The following ZNF804A variants were observed in gnomAD, a reference collection of about 807,000 sequenced individuals.
ZNF804A encodes zinc finger protein 804A.
ZNF804A carries 2 observed loss-of-function variants against 16.5 expected under a neutral mutation model. That is an observed-to-expected ratio of 0.12 (90% CI 0.05 to 0.38). ZNF804A has a LOEUF of 0.38. Ranked by LOEUF, ZNF804A falls within the 10% of genes least tolerant of loss-of-function variation. The pLI, the probability that ZNF804A is intolerant of heterozygous loss-of-function variation, is 0.99. For missense variants in ZNF804A, 1,473 were observed against 1,390.7 expected (o/e 1.06, Z -0.94); for synonymous variants, 534 against 489.6 (o/e 1.09, Z -1.20).
chr2:184,767,783 CT>C (rs1694152604), intron 1 of ZNF804A, among the ~76,000 whole-genome samples: 1 of 151,802 alleles, frequency 6.6e-6, no homozygotes, highest in Non-Finnish European at 1.5e-5. Context: ...AGGAGTCTAC[CT>C]TCTTAAAAAG....
Position 184,916,264 on chromosome 2 carries a change from A to T in ZNF804A, c.256-17339A>T, listed in dbSNP as rs999117415. 4.6e-5 allele frequency among the ~76,000 whole-genome samples: 7 copies of T among 152,304 alleles called. No homozygotes were observed. In the East Asian group the frequency reaches 1.3e-3, roughly 29 times the overall value. ...AAGAAGAATGAAATTATAACCAAAAATTTTGGAACAAGAGAGTAATGTATT... is the reference window on the plus strand; with the variant it reads ...AAGAAGAATGAAATTATAACCAAAATTTTTGGAACAAGAGAGTAATGTATT... On this transcript the variant is annotated intron_variant, in intron 2 of 3. Coordinates refer to ENST00000302277, the MANE Select transcript of ZNF804A (RefSeq NM_194250.2).
In ZNF804A at chr2:184,935,792, A is replaced by C. The variant is rs1269925785; in HGVS notation, c.396A>C (p.Gly132=). Residue 132 remains glycine, a synonymous_variant, in exon 4 of 4, where the codon GGA becomes GGC. Transcript: ENST00000302277. Reference sequence around the variant, plus strand: ...CTGTTTCTCTCTCTAGTGCTCCTGGAAGTGGCCCCATGTTCAAATCAACAA... The same window carrying C: ...CTGTTTCTCTCTCTAGTGCTCCTGGCAGTGGCCCCATGTTCAAATCAACAA... ...ELRKETVCAP[G]SGPMFKSTTV... is the part of the protein sequence containing the mutation. 2.5e-6 allele frequency: 4 copies of C among 1,602,896 alleles called. No individual in the cohort carries two copies. The highest frequency in any genetic ancestry group is 3.4e-6 in the Non-Finnish European group (4 of 1,174,716).
At chr2:184,839,222 G>A (rs982808744) in intron 1 of ZNF804A, among the ~76,000 whole-genome samples, 1 of 152,082 alleles carries the variant, frequency 6.6e-6, no homozygotes, top group African/African-American at 2.4e-5. Context: ...ATGTGTGTAT[G>A]TAATTTAAAC....
In ZNF804A at chr2:184,727,187, C is replaced by T. The variant is rs1301006169; in HGVS notation, c.111+128117C>T. Among the ~76,000 whole-genome samples, 4 of 151,436 alleles carry T rather than the reference C, an allele frequency of 2.6e-5. No individual in the cohort carries two copies. In the East Asian group the frequency reaches 5.8e-4, roughly 22 times the overall value. On this transcript the variant is annotated intron_variant, in intron 1 of 3. Transcript: ENST00000302277. ...ATTTCTGTTTGTCTGAATAGAATTTCGCTCCCTCACACATCTTGAGCATTA... is the reference window on the plus strand; with the variant it reads ...ATTTCTGTTTGTCTGAATAGAATTTTGCTCCCTCACACATCTTGAGCATTA...
At chr2:184,713,630 G>GGA (rs1693167622) in intron 1 of ZNF804A, among the ~76,000 whole-genome samples, 1 of 151,852 alleles carries the variant, frequency 6.6e-6, no homozygotes, top group Non-Finnish European at 1.5e-5. Flanking sequence ...CTAATTCTTA[G>GGA]TTTTGGAGAA....
At chr2:184,912,086 C>A (rs946531439) in intron 2 of ZNF804A, among the ~76,000 whole-genome samples, 1 of 151,934 alleles carries the variant, frequency 6.6e-6, no homozygotes, top group Non-Finnish European at 1.5e-5. Flanking sequence ...TGAACACCAT[C>A]CTTTTCTAGT....
intron 1 of ZNF804A, among the ~76,000 whole-genome samples, chr2:184,850,548 T>C (rs34597412): frequency 0.016 from 2,363 of 151,926 alleles, 31 homozygotes; most frequent in Non-Finnish European, 0.023. Context: ...TGATGAATCT[T>C]TTTTGTATAA....
intron 1 of ZNF804A, among the ~76,000 whole-genome samples, chr2:184,608,765 G>T (rs1691191886): frequency 6.6e-6 from 1 of 152,172 alleles, no homozygotes; most frequent in Admixed American, 6.5e-5. Context: ...TATAAGAGAA[G>T]ATTATTTCAG....
At chr2:184,927,172 T>C (rs1335476061) in intron 2 of ZNF804A, among the ~76,000 whole-genome samples, 1 of 152,226 alleles carries the variant, frequency 6.6e-6, no homozygotes, top group Admixed American at 6.5e-5. Context: ...CCGAAAGGAC[T>C]GTATGTTGTG....
In ZNF804A at chr2:184,939,079, T is replaced by C; in HGVS notation, c.*53T>C. On this transcript the variant is annotated 3_prime_UTR_variant, in exon 4 of 4. Coordinates refer to ENST00000302277, the MANE Select transcript of ZNF804A (RefSeq NM_194250.2). ...CTTGTGAAAACTATTGCTATATGCG[T>C]TAAGTGTTCATCTATGTGGGTACAT... 6.3e-7 allele frequency: 1 copy of C among 1,576,336 alleles called. No individual in the cohort carries two copies. Among genetic ancestry groups the C allele is most frequent in the Non-Finnish European group, 8.6e-7 (1 of 1,158,618 alleles).
At chr2:184,929,437 G>T (rs947828683) in intron 2 of ZNF804A, among the ~76,000 whole-genome samples, 6 of 151,860 alleles carry the variant, frequency 4.0e-5, no homozygotes, top group Admixed American at 2.6e-4. Context: ...ACCACTATTT[G>T]TAATCATTGA....
chr2:184,669,141 T>C (rs763553509), intron 1 of ZNF804A, among the ~76,000 whole-genome samples: 42 of 152,010 alleles, frequency 2.8e-4, no homozygotes, highest in Non-Finnish European at 2.9e-5. Context: ...AGAAAATATA[T>C]ATAATGCAGT....
At chr2:184,917,243 G>A (rs1465759373) in intron 2 of ZNF804A, among the ~76,000 whole-genome samples, 1 of 151,974 alleles carries the variant, frequency 6.6e-6, no homozygotes, top group African/African-American at 2.4e-5. Context: ...TAATAACAAG[G>A]TCACACTCTG....
At chr2:184,775,147 A>G (rs1694268251) in intron 1 of ZNF804A, among the ~76,000 whole-genome samples, 2 of 151,760 alleles carry the variant, frequency 1.3e-5, no homozygotes, top group African/African-American at 4.8e-5. Context: ...TTTAATATGT[A>G]TAATTTCCTC....
intron 1 of ZNF804A, among the ~76,000 whole-genome samples, chr2:184,819,298 A>G (rs1280105295): frequency 1.3e-5 from 2 of 152,130 alleles, no homozygotes; most frequent in African/African-American, 2.4e-5. Context: ...TGGACCCTGA[A>G]CAACCTGCTT....
intron 1 of ZNF804A, among the ~76,000 whole-genome samples, chr2:184,773,659 G>T (rs1223134744): frequency 1.3e-5 from 2 of 151,808 alleles, no homozygotes; most frequent in African/African-American, 4.8e-5. Context: ...GGGAAAGAGT[G>T]GGAGGCAGGT....
intron 1 of ZNF804A, among the ~76,000 whole-genome samples, chr2:184,601,118 A>T (rs1691037268): frequency 6.6e-6 from 1 of 152,110 alleles, no homozygotes; most frequent in Admixed American, 6.5e-5. Context: ...GCACTGACTG[A>T]AAAGAAGTAA....
intron 1 of ZNF804A, among the ~76,000 whole-genome samples, chr2:184,753,380 G>C (rs1693904884): frequency 6.6e-6 from 1 of 151,448 alleles, no homozygotes; most frequent in Non-Finnish European, 1.5e-5. Context: ...AACAATGCTG[G>C]ACGGCATATC....
intron 2 of ZNF804A, among the ~76,000 whole-genome samples, chr2:184,870,693 T>C (rs904987392): frequency 6.6e-6 from 1 of 152,050 alleles, no homozygotes; most frequent in African/African-American, 2.4e-5. Context: ...AAAATTCATT[T>C]TGAGATTTTG....
Sources: allele counts gnomAD v4.1 joint callset (sites outside exome capture counted in the v4.1 genomes callset), GRCh38; gene constraint gnomAD v4.1.1; transcripts MANE v1.5; gene names NCBI Gene and HGNC (gene_info 2026-07-23, HGNC 2026-07-21).